The following NCAPH variants were observed in gnomAD, a reference collection of about 807,000 sequenced individuals.
NCAPH encodes condensin complex subunit 2.
NCAPH carries 38 observed loss-of-function variants against 85.5 expected under a neutral mutation model. The observed-to-expected ratio is 0.44, with a 90% confidence interval of 0.34 to 0.58. NCAPH has a LOEUF of 0.58. Ranked by LOEUF, NCAPH falls within the 20% of genes least tolerant of loss-of-function variation. The pLI is 0.01. For missense variants in NCAPH, 789 were observed against 916.6 expected, an observed-to-expected ratio of 0.86 and a Z score of 1.80; for synonymous variants, 301 against 335.1, an observed-to-expected ratio of 0.90 and a Z score of 1.11.
At chr2:96,350,649 A>G (rs1002847477) in intron 6 of NCAPH, among the ~76,000 whole-genome samples, 7 of 152,154 alleles carry the variant, frequency 4.6e-5, no homozygotes, top group African/African-American at 1.7e-4. Flanking sequence ...TGTGGAGATG[A>G]CGAATGTGCT....
Position 96,349,217 on chromosome 2 carries a change from G to T in NCAPH, c.721-2614G>T, listed in dbSNP as rs544338121. 1.8e-4 allele frequency among the ~76,000 whole-genome samples: 28 copies of T among 152,226 alleles called. 1 individual carries two copies. In the South Asian group the frequency reaches 5.4e-3, roughly 29 times the overall value. On this transcript the variant is annotated intron_variant, in intron 6 of 17. Coordinates refer to ENST00000240423, the MANE Select transcript of NCAPH (RefSeq NM_015341.5). Reference sequence around the variant, plus strand: ...GTGGTATGTTTATGCTAAGTGAAATGAATACTGTCATGAAGAAATGCCAAA... The same window carrying T: ...GTGGTATGTTTATGCTAAGTGAAATTAATACTGTCATGAAGAAATGCCAAA...
chr2:96,341,714 A>C lies in NCAPH; in HGVS notation c.92A>C (p.Glu31Ala). ...CCCCACAGTGCCTCCTCTCCTTCAG[A>C]GCGTGTGTTCCCGATGCCCCTGCCC... ...GHPHSASSPS[E>A]RVFPMPLPRK... Residue 31 changes from glutamate to alanine, a missense_variant, in exon 2 of 18, where the codon GAG becomes GCG. By Grantham distance (107) the Glu-to-Ala change is moderately radical (BLOSUM62 -1). Transcript: ENST00000240423. The C allele has an allele frequency of 6.2e-7, 1 of 1,614,182 alleles. No homozygotes were observed. Among genetic ancestry groups the C allele is most frequent in the East Asian group, 2.2e-5 (1 of 44,892 alleles).
chr2:96,360,766 T>A, intron 12 of NCAPH, 56 bp downstream of exon 12: 1 of 1,605,848 alleles, frequency 6.2e-7, no homozygotes, highest in Non-Finnish European at 8.5e-7. Flanking sequence ...GCTGATAGTA[T>A]GACAGTTAGG....
chr2:96,343,052 T>C, intron 4 of NCAPH, 114 bp from the exon 5 acceptor site: 1 of 1,420,184 alleles, frequency 7.0e-7, no homozygotes, highest in Non-Finnish European at 9.6e-7. Context: ...TAGAGGGATC[T>C]TTGTCATTGC....
chr2:96,346,615 A>G (rs2064364685), intron 6 of NCAPH, among the ~76,000 whole-genome samples: 1 of 152,108 alleles, frequency 6.6e-6, no homozygotes, highest in African/African-American at 2.4e-5. Context: ...AGGGCAGTGG[A>G]AAGTAATATA....
At chr2:96,365,715 A>G (rs951288329) in intron 13 of NCAPH, among the ~76,000 whole-genome samples, 161 bp from the exon 14 acceptor site, 24 of 152,358 alleles carry the variant, frequency 1.6e-4, no homozygotes, top group African/African-American at 5.1e-4. Context: ...TACGTGAAAC[A>G]GGATGATAAC....
chr2:96,369,314 ATT>A, intron 16 of NCAPH, 109 bp from the exon 17 acceptor site: 1 of 984,194 alleles, frequency 1.0e-6, no homozygotes, highest in Non-Finnish European at 1.6e-6. Context: ...CATCTGAAAG[ATT>A]TGTTTCTCAT....
At position 96,374,092 on chromosome 2, in the gene NCAPH, A is replaced by G. The variant is rs1166314156; in HGVS notation, c.*741A>G. On this transcript the variant is annotated 3_prime_UTR_variant, in exon 18 of 18. Coordinates refer to ENST00000240423, the MANE Select transcript of NCAPH (RefSeq NM_015341.5). The stretch of plus-strand genomic sequence containing the variant: ...ATAGTGATACTTGTCCCTTCTGTAC[A>G]TTGCTTCATGTAGCCTTCTCAGCAT... Among the ~76,000 whole-genome samples the G allele has an allele frequency of 6.6e-6, 1 of 152,198 alleles. No homozygotes were observed. Among genetic ancestry groups the G allele is most frequent in the Admixed American group, 6.5e-5 (1 of 15,280 alleles).
At chr2:96,348,948 C>T (rs1169920322) in intron 6 of NCAPH, among the ~76,000 whole-genome samples, 2 of 152,102 alleles carry the variant, frequency 1.3e-5, no homozygotes, top group African/African-American at 2.4e-5. Flanking sequence ...CGCTCCTGGC[C>T]CTTACTGTCA....
At chr2:96,355,420 C>T (rs1158784643) in intron 9 of NCAPH, among the ~76,000 whole-genome samples, 3 of 152,040 alleles carry the variant, frequency 2.0e-5, no homozygotes, top group Non-Finnish European at 2.9e-5. Context: ...TATAATTTCC[C>T]GCTATGACAA....
chr2:96,369,390 G>A, intron 16 of NCAPH, 35 bp from the exon 17 acceptor site: 1 of 1,557,084 alleles, frequency 6.4e-7, no homozygotes, highest in Non-Finnish European at 8.9e-7. Context: ...TCTAACAGTT[G>A]GCAGTGACCT....
Position 96,364,545 on chromosome 2 carries a change from A to G in NCAPH, c.1652A>G (p.Asp551Gly). 1 of 1,613,878 alleles carries G rather than the reference A, an allele frequency of 6.2e-7. No homozygotes were observed. The highest frequency in any genetic ancestry group is 8.5e-7 in the Non-Finnish European group (1 of 1,179,750). ...TEHYEEIEDY[D>G]YNNPNDTSNF... ...CATTATGAAGAAATTGAAGACTATGATTACAACAACCCTAACGACACCTCC... is the reference window on the plus strand; with the variant it reads ...CATTATGAAGAAATTGAAGACTATGGTTACAACAACCCTAACGACACCTCC... The change falls in exon 13 of 18, where the codon GAT becomes GGT. Residue 551 changes from aspartate (D) to glycine (G), a missense_variant. Coordinates refer to ENST00000240423, the MANE Select transcript of NCAPH (RefSeq NM_015341.5).
Position 96,360,250 on chromosome 2 carries a change from G to A in NCAPH, c.1464+1G>A. Reference sequence around the variant, plus strand: ...TGATGTATATTTTAGAAAAACAAAGGTTTGTACTGAATTTATTAGGATTGT... The same window carrying A: ...TGATGTATATTTTAGAAAAACAAAGATTTGTACTGAATTTATTAGGATTGT... On this transcript the variant is annotated splice_donor_variant, in intron 11 of 17. Transcript: ENST00000240423. LOFTEE classifies it high-confidence loss of function. The A allele has an allele frequency of 1.4e-6, 2 of 1,410,874 alleles. No homozygotes were observed. Among genetic ancestry groups the A allele is most frequent in the Non-Finnish European group, 2.0e-6 (2 of 1,004,240 alleles). The allele number at this position is 1,410,874 out of a possible 1,614,324, so 87.4% of individuals were successfully genotyped here.
At chr2:96,348,062 C>T (rs1300700165) in intron 6 of NCAPH, among the ~76,000 whole-genome samples, 2 of 151,980 alleles carry the variant, frequency 1.3e-5, no homozygotes, top group African/African-American at 4.8e-5. Flanking sequence ...AGGCCGGGTG[C>T]GGTGCTTAGC....
At chr2:96,351,708 A>G (rs1309311369) in intron 6 of NCAPH, 123 bp from the exon 7 acceptor site, 7 of 663,160 alleles carry the variant, frequency 1.1e-5, no homozygotes, top group Non-Finnish European at 1.6e-5. Context: ...ACTTTTGACC[A>G]TGAGTGGAGA....
At chr2:96,367,169 T>C (rs2064711841) in intron 14 of NCAPH, 88 bp from the exon 15 acceptor site, 3 of 870,188 alleles carry the variant, frequency 3.4e-6, no homozygotes, top group African/African-American at 3.4e-5. Flanking sequence ...CCTTCTTTAG[T>C]TGAACTCCAG....
In NCAPH at chr2:96,341,650, G is replaced by A; in HGVS notation, c.28G>A (p.Ala10Thr). Reference sequence around the variant, plus strand: ...CAAGAATTTTGTTCCAGCACTGCCAGCCACAATGAATAACTCTTCTTCAGA... The same window carrying A: ...CAAGAATTTTGTTCCAGCACTGCCAACCACAATGAATAACTCTTCTTCAGA... MGPPGPALP[A>T]TMNNSSSETR... The change falls in exon 2 of 18, where the codon GCC (alanine) becomes ACC (threonine). Residue 10 changes from alanine (A) to threonine (T), a missense_variant. Ala to Thr is a moderately conservative substitution (Grantham distance 58). Transcript: ENST00000240423. The A allele has an allele frequency of 1.2e-6, 2 of 1,610,834 alleles. No individual in the cohort carries two copies. The highest frequency in any genetic ancestry group is 2.2e-5 in the South Asian group (2 of 90,938).
At position 96,342,096 on chromosome 2, in the gene NCAPH, A is replaced by G; in HGVS notation, c.319A>G (p.Ile107Val). The part of the protein sequence containing the change: ...ATIPKFTNTQ[I>V]TEHYSTCIKL... Reference sequence around the variant, plus strand: ...TATCCCCAAGTTTACAAACACGCAGATTACGGAACATTACTCCACCTGTAT... The same window carrying G: ...TATCCCCAAGTTTACAAACACGCAGGTTACGGAACATTACTCCACCTGTAT... Residue 107 changes from isoleucine to valine, a missense_variant, in exon 3 of 18, where the codon ATT becomes GTT. By Grantham distance (29) the Ile-to-Val change is conservative. Coordinates refer to ENST00000240423, the MANE Select transcript of NCAPH (RefSeq NM_015341.5). The G allele has an allele frequency of 1.2e-6, 2 of 1,613,042 alleles. No homozygotes were observed. The highest frequency in any genetic ancestry group is 1.3e-5 in the African/African-American group (1 of 75,040).
At chr2:96,367,182 CT>C in intron 14 of NCAPH, 74 bp from the exon 15 acceptor site, 1 of 1,052,092 alleles carries the variant, frequency 9.5e-7, no homozygotes, top group Non-Finnish European at 1.4e-6. Flanking sequence ...AACTCCAGAC[CT>C]TTGTTTTTAC....
Sources: gnomAD v4.1 joint callset for allele counts (sites outside exome capture counted in the v4.1 genomes callset) on GRCh38, gnomAD v4.1.1 for gene constraint, MANE v1.5 for transcripts, NCBI Gene and HGNC (gene_info 2026-07-23, HGNC 2026-07-21) for gene names.